The following ANKRD36C variants were observed in gnomAD, a reference collection of about 807,000 sequenced individuals.
ANKRD36C encodes ankyrin repeat domain 36C.
In ANKRD36C, 61 loss-of-function variants were observed where a neutral mutation model predicts 276.4. The ratio of observed to expected loss-of-function variants is 0.22; its 90% CI spans 0.18 to 0.27. ANKRD36C has a LOEUF of 0.27. Ranked by LOEUF, ANKRD36C falls within the 10% of genes least tolerant of loss-of-function variation. The probability of loss-of-function intolerance (pLI) is 1.00; values close to 1 mark genes in which losing one functional copy is unlikely to be tolerated. For synonymous variants in ANKRD36C, 483 were observed against 680.1 expected, an observed-to-expected ratio of 0.71 and a Z score of 4.51; for missense variants, 1,447 against 2,032.3, an observed-to-expected ratio of 0.71 and a Z score of 5.54.
chr2:95,939,678 C>T (rs983673344), intron 20 of ANKRD36C, among the ~76,000 whole-genome samples: 6 of 152,384 alleles, frequency 3.9e-5, no homozygotes, highest in Non-Finnish European at 7.4e-5. Flanking sequence ...GCACTCAAGC[C>T]TGGGTGACAG....
At chr2:95,866,333 G>A (rs1675682691) in intron 60 of ANKRD36C, among the ~76,000 whole-genome samples, 1 of 152,138 alleles carries the variant, frequency 6.6e-6, no homozygotes, top group Non-Finnish European at 1.5e-5. Flanking sequence ...ATACTACAAA[G>A]CAAGTGAAAA....
chr2:95,904,337 G>A (rs1676738668), intron 42 of ANKRD36C, among the ~76,000 whole-genome samples: 1 of 145,630 alleles, frequency 6.9e-6, no homozygotes, highest in South Asian at 2.2e-4. Flanking sequence ...TGCTACACCA[G>A]GGGCCTCCTT....
intron 14 of ANKRD36C, among the ~76,000 whole-genome samples, chr2:95,953,444 A>G (rs894904097): frequency 6.6e-6 from 1 of 152,260 alleles, no homozygotes; most frequent in Non-Finnish European, 1.5e-5. Flanking sequence ...GCTCTCTGCA[A>G]AAATACAGTA....
At chr2:95,921,994 A>T (rs1277903488) in intron 32 of ANKRD36C, among the ~76,000 whole-genome samples, 184 bp from the exon 33 acceptor site, 1 of 151,680 alleles carries the variant, frequency 6.6e-6, no homozygotes, top group Admixed American at 6.6e-5. Context: ...TTGATGTGTC[A>T]CGATATATTC....
intron 14 of ANKRD36C, among the ~76,000 whole-genome samples, chr2:95,952,687 T>C (rs1211445764): frequency 6.6e-6 from 1 of 151,630 alleles, no homozygotes; most frequent in African/African-American, 2.4e-5. Flanking sequence ...CCTCAACTTA[T>C]ACATTCTCAA....
chr2:95,913,470 C>A (rs1676995030), intron 40 of ANKRD36C, among the ~76,000 whole-genome samples: 6 of 151,334 alleles, frequency 4.0e-5, no homozygotes, highest in Admixed American at 4.0e-4. Context: ...AGTAATGAGT[C>A]ACTGTGGTGT....
intron 34 of ANKRD36C, among the ~76,000 whole-genome samples, chr2:95,919,127 C>T (rs1395112028): frequency 7.3e-6 from 1 of 136,368 alleles, no homozygotes; most frequent in African/African-American, 2.5e-5. Context: ...TCCAGTAGTT[C>T]CTGGAGCTGC....
chr2:95,930,821 CA>C (rs554276378), intron 24 of ANKRD36C, among the ~76,000 whole-genome samples: 296 of 136,624 alleles, frequency 2.2e-3, no homozygotes, highest in Non-Finnish European at 2.8e-3. Flanking sequence ...CACAGCTTTC[CA>C]AAAAAAAAAC....
At chr2:95,990,345 C>T (rs988607364) in intron 1 of ANKRD36C, among the ~76,000 whole-genome samples, 13 of 152,308 alleles carry the variant, frequency 8.5e-5, no homozygotes, top group African/African-American at 3.1e-4. Flanking sequence ...TTCGCCATTA[C>T]TTGTAATTGC....
At chr2:95,944,181 T>G (rs1006897709) in intron 19 of ANKRD36C, among the ~76,000 whole-genome samples, 1 of 152,206 alleles carries the variant, frequency 6.6e-6, no homozygotes, top group Non-Finnish European at 1.5e-5. Context: ...GTCATTTAAA[T>G]TCACCGCTTT....
At chr2:95,991,588 A>G (rs774012669) in exon 1 of ANKRD36C, 4 of 1,613,910 alleles carry the variant, frequency 2.5e-6, no homozygotes. Context: ...TCACGATAGA[A>G]GACAGCTCTG....
chr2:95,986,983 A>G, intron 2 of ANKRD36C, 59 bp from the exon 3 acceptor site: 1 of 1,610,948 alleles, frequency 6.2e-7, no homozygotes, highest in South Asian at 1.1e-5. Context: ...AACACTCCGT[A>G]GGATTTCCTA....
chr2:95,879,248 C>A (rs75403286), intron 58 of ANKRD36C, among the ~76,000 whole-genome samples: 3,800 of 151,528 alleles, frequency 0.025, 181 homozygotes, highest in East Asian at 0.17. Flanking sequence ...TGAGAAATTT[C>A]AAAAATAGAG....
intron 63 of ANKRD36C, among the ~76,000 whole-genome samples, chr2:95,854,719 A>G (rs1354678620): frequency 1.3e-5 from 2 of 152,252 alleles, no homozygotes; most frequent in African/African-American, 4.8e-5. Flanking sequence ...TCATATCTAT[A>G]CATAATTTGA....
exon 5 of ANKRD36C, chr2:95,980,772 G>A: frequency 1.9e-6 from 3 of 1,594,348 alleles, no homozygotes; most frequent in Non-Finnish European, 2.6e-6. Flanking sequence ...GTAACAGCAT[G>A]TATGAGGGCT....
chr2:95,966,784 T>C (rs1321812032), intron 6 of ANKRD36C, among the ~76,000 whole-genome samples: 5 of 152,194 alleles, frequency 3.3e-5, no homozygotes, highest in Admixed American at 3.3e-4. Context: ...TATTGATTCT[T>C]TCTAACCATG....
chr2:95,889,825 G>A (rs1467949327), exon 48 of ANKRD36C: 2 of 1,598,194 alleles, frequency 1.3e-6, no homozygotes, highest in Non-Finnish European at 1.7e-6. Flanking sequence ...TTCATCCTTT[G>A]TTTCTGTGGC....
At chr2:95,855,063 T>C (rs2950723) in intron 63 of ANKRD36C, among the ~76,000 whole-genome samples, 13 of 152,190 alleles carry the variant, frequency 8.5e-5, no homozygotes, top group Non-Finnish European at 1.5e-4. Flanking sequence ...ATTTTATAAG[T>C]GACACATTAA....
At chr2:95,962,652 G>C in intron 6 of ANKRD36C, 105 bp from the exon 7 acceptor site, 3 of 1,389,036 alleles carry the variant, frequency 2.2e-6, no homozygotes, top group Non-Finnish European at 1.9e-6. Flanking sequence ...GCCCCTATTA[G>C]TTTAGGTTTT....
Sources: allele counts gnomAD v4.1 joint callset (sites outside exome capture counted in the v4.1 genomes callset), GRCh38; gene constraint gnomAD v4.1.1; transcripts MANE v1.5; gene names NCBI Gene and HGNC (gene_info 2026-07-23, HGNC 2026-07-21).